GIGYF2: variants seen among roughly 807,000 people sequenced by gnomAD.
GIGYF2 encodes GRB10 interacting GYF protein 2.
A neutral mutation model predicts 208.1 loss-of-function variants in GIGYF2; 25 were observed. The observed-to-expected ratio is 0.12, with a 90% CI of 0.09 to 0.17. The LOEUF is 0.17. Among genes scored for constraint, GIGYF2 ranks in the 10% least tolerant of loss-of-function variants. GIGYF2 has a pLI of 1.00. For missense variants in GIGYF2, 1,302 were observed against 1,579.4 expected, an observed-to-expected ratio of 0.82 and a Z score of 2.98; for synonymous variants, 534 against 543.8, an observed-to-expected ratio of 0.98 and a Z score of 0.25.
At chr2:232,730,897 C>CAAAAAAAA (rs34491260) in intron 2 of GIGYF2, among the ~76,000 whole-genome samples, 3 of 51,574 alleles carry the variant, frequency 5.8e-5, no homozygotes, top group Non-Finnish European at 7.5e-5. Flanking sequence ...GACTCCGTCT[C>CAAAAAAAA]AAAAAAAAAA....
chr2:232,715,038 G>C (rs1386871173), intron 2 of GIGYF2, among the ~76,000 whole-genome samples: 1 of 152,090 alleles, frequency 6.6e-6, no homozygotes, highest in Non-Finnish European at 1.5e-5. Flanking sequence ...TGCGGTATTT[G>C]GTTTTCTGTT....
At chr2:232,825,856 C>T (rs1029613009) in intron 21 of GIGYF2, among the ~76,000 whole-genome samples, 1 of 147,434 alleles carries the variant, frequency 6.8e-6, no homozygotes, top group Non-Finnish European at 1.5e-5. Context: ...CCTCCCCCAG[C>T]CCCCCACCCC....
chr2:232,783,354 T>C (rs1699783479), intron 8 of GIGYF2, among the ~76,000 whole-genome samples: 2 of 152,202 alleles, frequency 1.3e-5, no homozygotes, highest in Admixed American at 6.5e-5. Context: ...ATTTTTTGTT[T>C]TGTTTATTAT....
At chr2:232,744,063 C>G (rs997737311) in intron 3 of GIGYF2, among the ~76,000 whole-genome samples, 9 of 152,084 alleles carry the variant, frequency 5.9e-5, no homozygotes, top group Admixed American at 5.9e-4. Flanking sequence ...CTGGACTGGT[C>G]TCAAACTCCT....
At chr2:232,826,380 T>G (rs1352860302) in intron 21 of GIGYF2, among the ~76,000 whole-genome samples, 1 of 152,262 alleles carries the variant, frequency 6.6e-6, no homozygotes, top group Non-Finnish European at 1.5e-5. Flanking sequence ...TTCCTGACTT[T>G]TTAATGATTG....
chr2:232,851,606 G>A (rs1690336550), intron 28 of GIGYF2, among the ~76,000 whole-genome samples: 1 of 152,130 alleles, frequency 6.6e-6, no homozygotes, highest in Non-Finnish European at 1.5e-5. Flanking sequence ...TTTTAGTAGA[G>A]AGGGGTTTTT....
Position 232,791,308 on chromosome 2 carries a change from A to G in GIGYF2, c.1144A>G (p.Thr382Ala), listed in dbSNP as rs1404225622. The change falls in exon 12 of 29, where the codon ACT becomes GCT. Residue 382 changes from threonine (T) to alanine (A), a missense_variant. This residue lies in a region of GIGYF2 where 235 missense variants were observed against 218.8 expected (regional missense o/e 1.07). Transcript: ENST00000373563. ...QTSSSSARPG[T>A]PSDHQSQEAS... ...CTCATCATCATCTGCTAGACCAGGT[A>G]CTCCTTCAGACCATCAGTCTCAGGA... 6.2e-7 allele frequency: 1 copy of G among 1,613,958 alleles called. No individual in the cohort carries two copies. Among genetic ancestry groups the G allele is most frequent in the South Asian group, 1.1e-5 (1 of 91,074 alleles).
At chr2:232,720,078 A>G (rs1696868057) in intron 2 of GIGYF2, among the ~76,000 whole-genome samples, 2 of 152,134 alleles carry the variant, frequency 1.3e-5, no homozygotes, top group Non-Finnish European at 2.9e-5. Flanking sequence ...ATTTCTCCTA[A>G]TGCTATCCCT....
At chr2:232,708,510 AG>A (rs1696234798) in intron 2 of GIGYF2, among the ~76,000 whole-genome samples, 1 of 152,170 alleles carries the variant, frequency 6.6e-6, no homozygotes, top group South Asian at 2.1e-4. Context: ...GAAAAGCTTG[AG>A]GGCTTTTGAA....
chr2:232,734,198 G>C (rs1697632680), intron 2 of GIGYF2, among the ~76,000 whole-genome samples: 1 of 148,234 alleles, frequency 6.7e-6, no homozygotes. Flanking sequence ...CGTCTGCCTG[G>C]CTTGGCCTCC....
intron 8 of GIGYF2, among the ~76,000 whole-genome samples, chr2:232,770,185 A>G (rs1033155360): frequency 1.3e-5 from 2 of 152,232 alleles, no homozygotes; most frequent in South Asian, 2.1e-4. Context: ...ATCATTCTTC[A>G]TACGGCCCAA....
At chr2:232,754,725 T>C (rs1214657482) in intron 5 of GIGYF2, among the ~76,000 whole-genome samples, 2 of 152,188 alleles carry the variant, frequency 1.3e-5, no homozygotes, top group Non-Finnish European at 2.9e-5. Context: ...TAAGTTAATA[T>C]ATATGTTTCA....
At chr2:232,856,227 C>T (rs1301865149) in intron 28 of GIGYF2, among the ~76,000 whole-genome samples, 3 of 152,126 alleles carry the variant, frequency 2.0e-5, no homozygotes, top group Non-Finnish European at 1.5e-5. Context: ...CCACCACACC[C>T]GGCCTGCAGT....
chr2:232,797,384 C>T (rs895915938), intron 14 of GIGYF2, among the ~76,000 whole-genome samples: 1 of 152,128 alleles, frequency 6.6e-6, no homozygotes, highest in African/African-American at 2.4e-5. Context: ...CTTGCACTCT[C>T]AATCCCCTTA....
rs1445053223 is a variant in GIGYF2 at position 232,857,071 on chromosome 2, G to A, written c.*211G>A. 5.0e-6 allele frequency: 3 copies of A among 601,436 alleles called. No individual in the cohort carries two copies. Among genetic ancestry groups the A allele is most frequent in the East Asian group, 2.9e-5 (1 of 34,796 alleles). The allele number at this position is 601,436 out of a possible 1,614,324, so 37.3% of individuals were successfully genotyped here. On this transcript the variant is annotated 3_prime_UTR_variant, in exon 29 of 29. Coordinates refer to ENST00000373563, the MANE Select transcript of GIGYF2 (RefSeq NM_001103146.3). ...ATCTCAGACTATAGATAAGTGGACT[G>A]GACCCTGTGTCTTGGGGGTGGCAGT...
intron 6 of GIGYF2, among the ~76,000 whole-genome samples, chr2:232,759,116 A>G (rs991051423): frequency 2.0e-5 from 3 of 152,156 alleles, no homozygotes; most frequent in African/African-American, 7.2e-5. Context: ...TTATTTTGAT[A>G]CTTCATAATA....
In GIGYF2 at chr2:232,856,870, A is replaced by G; in HGVS notation, c.*10A>G. On this transcript the variant is annotated 3_prime_UTR_variant, in exon 29 of 29. Coordinates refer to ENST00000373563, the MANE Select transcript of GIGYF2 (RefSeq NM_001103146.3). ...GTTGGATGACTACTGAGCACCTGCC[A>G]GTGGACTGGCCATCCCTCTCCTGTC... The G allele has an allele frequency of 6.3e-7, 1 of 1,594,148 alleles. No individual in the cohort carries two copies. Among genetic ancestry groups the G allele is most frequent in the Non-Finnish European group, 8.6e-7 (1 of 1,161,692 alleles).
At chr2:232,760,697 T>A in intron 7 of GIGYF2, 106 bp downstream of exon 7, 1 of 724,272 alleles carries the variant, frequency 1.4e-6, no homozygotes, top group Non-Finnish European at 2.5e-6. Context: ...GGTTTCATTT[T>A]AAAAAATGCT....
In GIGYF2 at chr2:232,806,777, A is replaced by G; in HGVS notation, c.1806+120A>G. 1 of 816,480 alleles carries G rather than the reference A, an allele frequency of 1.2e-6. No homozygotes were observed. The highest frequency in any genetic ancestry group is 2.1e-6 in the Non-Finnish European group (1 of 465,796). The allele number at this position is 816,480 out of a possible 1,614,324, so 50.6% of individuals were successfully genotyped here. The stretch of plus-strand genomic sequence containing the variant: ...AATTGTAGTTCTTTGAAATTAATGG[A>G]AATGGTAAGGGAAAGTCTGAATGGA... On this transcript the variant is annotated intron_variant, in intron 15 of 28. Transcript: ENST00000373563. The surrounding 1 kb of genome is among the most constrained non-coding windows in gnomAD (Gnocchi z 4.0).
Sources: allele counts gnomAD v4.1 joint callset (sites outside exome capture counted in the v4.1 genomes callset), GRCh38; gene constraint gnomAD v4.1.1; regional missense constraint gnomAD v4.1.1; non-coding constraint Gnocchi (gnomAD v3.1); transcripts MANE v1.5; gene names NCBI Gene and HGNC (gene_info 2026-07-23, HGNC 2026-07-21).